NKAIN3: variants seen among roughly 807,000 people sequenced by gnomAD.
NKAIN3 encodes the protein sodium/potassium-transporting ATPase subunit beta-1-interacting protein 3.
NKAIN3 carries 25 observed loss-of-function variants against 30.2 expected under a neutral mutation model. The ratio of observed to expected loss-of-function variants is 0.83; its 90% CI spans 0.60 to 1.16. NKAIN3 has a LOEUF of 1.16. NKAIN3 is among the 50% of genes most tolerant of loss of function. The pLI is 0.00. For missense variants in NKAIN3, 225 were observed against 254.1 expected (o/e 0.89, Z 0.78); for synonymous variants, 91 against 89.6 (o/e 1.02, Z -0.09).
intron 1 of NKAIN3, among the ~76,000 whole-genome samples, chr8:62,378,998 G>A (rs1371637661): frequency 1.3e-5 from 2 of 152,168 alleles, no homozygotes; most frequent in East Asian, 1.9e-4. Context: ...GCCTGGATGG[G>A]GGCTGTACCA....
intron 1 of NKAIN3, among the ~76,000 whole-genome samples, chr8:62,331,079 G>GTC (rs1303720351): frequency 7.2e-5 from 9 of 124,832 alleles, no homozygotes; most frequent in African/African-American, 2.4e-4. Flanking sequence ...CTCTCTCTCT[G>GTC]TCTCTCTCTC....
At chr8:62,364,402 A>T (rs1816662307) in intron 1 of NKAIN3, among the ~76,000 whole-genome samples, 1 of 152,062 alleles carries the variant, frequency 6.6e-6, no homozygotes, top group South Asian at 2.1e-4. Context: ...ATCCTAAAGG[A>T]TGTAGCAAAA....
At chr8:62,379,683 C>T (rs1817206841) in intron 1 of NKAIN3, among the ~76,000 whole-genome samples, 1 of 148,082 alleles carries the variant, frequency 6.8e-6, no homozygotes, top group Admixed American at 6.8e-5. Flanking sequence ...TGTAAGTTTC[C>T]TGAGGCCTCC....
Position 62,579,524 on chromosome 8 carries a change from C to A in NKAIN3, c.55-15C>A. 6.3e-7 allele frequency: 1 copy of A among 1,591,454 alleles called. No homozygotes were observed. The highest frequency in any genetic ancestry group is 8.5e-7 in the Non-Finnish European group (1 of 1,170,722). ...CTTGGATTCAATGCTAATGAACTTT[C>A]TTTTTTTGTTGTAGGTCTCAGCATT... On this transcript the variant is annotated splice_polypyrimidine_tract_variant and intron_variant, in intron 1 of 6. Coordinates refer to ENST00000623646, the MANE Select transcript of NKAIN3 (RefSeq NM_001304533.3).
chr8:62,607,395 C>T (rs886124704), intron 3 of NKAIN3, among the ~76,000 whole-genome samples: 3 of 152,116 alleles, frequency 2.0e-5, no homozygotes, highest in Non-Finnish European at 2.9e-5. Context: ...TCATGGAAGG[C>T]TGATGCACCT....
rs1401649029 is a variant in NKAIN3 at position 62,966,893 on chromosome 8, GTTC to G, written c.*1492_*1494del. 2.0e-5 allele frequency among the ~76,000 whole-genome samples: 3 copies of G among 152,032 alleles called. No individual in the cohort carries two copies. The East Asian group carries it at 5.8e-4, about 29-fold the overall frequency. On this transcript the variant is annotated 3_prime_UTR_variant, in exon 7 of 7. Transcript: ENST00000623646. ...GTGTGTGAAAGTCTTTTTTCTTCTT[GTTC>G]TTCTTTCGGAGCCTATAGGTTTCAT...
At chr8:62,805,300 A>G (rs1818234413) in intron 4 of NKAIN3, among the ~76,000 whole-genome samples, 2 of 151,958 alleles carry the variant, frequency 1.3e-5, no homozygotes, top group African/African-American at 4.8e-5. Context: ...GGAAAAAACT[A>G]CTTTAAAGTT....
intron 1 of NKAIN3, among the ~76,000 whole-genome samples, chr8:62,467,003 C>T (rs561690005): frequency 1.3e-5 from 2 of 152,260 alleles, no homozygotes; most frequent in Admixed American, 6.5e-5. Flanking sequence ...GAATCCATGG[C>T]CTAACAATGG....
chr8:62,828,382 A>T (rs1819090292), intron 4 of NKAIN3, among the ~76,000 whole-genome samples: 1 of 152,170 alleles, frequency 6.6e-6, no homozygotes, highest in African/African-American at 2.4e-5. Context: ...TGCAAAATAC[A>T]TGCCAAAAAA....
intron 3 of NKAIN3, among the ~76,000 whole-genome samples, chr8:62,656,348 T>C (rs190829179): frequency 2.6e-5 from 4 of 152,296 alleles, no homozygotes; most frequent in East Asian, 1.9e-4. Context: ...CAGGAAACAT[T>C]AGCAAATTAA....
intron 2 of NKAIN3, among the ~76,000 whole-genome samples, chr8:62,588,479 G>A (rs1426770071): frequency 2.0e-5 from 3 of 151,718 alleles, no homozygotes; most frequent in South Asian, 4.2e-4. Flanking sequence ...AATGTAACCA[G>A]TTATAGGACT....
intron 1 of NKAIN3, among the ~76,000 whole-genome samples, chr8:62,303,681 T>C (rs1814129387): frequency 6.6e-6 from 1 of 150,584 alleles, no homozygotes; most frequent in Admixed American, 6.6e-5. Context: ...AGAGTTTTAA[T>C]TTGAAAAAAA....
chr8:62,789,395 CTT>C (rs1253144688), intron 4 of NKAIN3, among the ~76,000 whole-genome samples: 1 of 152,122 alleles, frequency 6.6e-6, no homozygotes, highest in African/African-American at 2.4e-5. Flanking sequence ...TATCCTGAAA[CTT>C]TGCTGAAGTT....
intron 1 of NKAIN3, among the ~76,000 whole-genome samples, chr8:62,294,785 T>C (rs1751018708): frequency 6.6e-6 from 1 of 152,142 alleles, no homozygotes; most frequent in Non-Finnish European, 1.5e-5. Flanking sequence ...GCTCTAGCTA[T>C]TCTCCCACCT....
chr8:62,796,789 T>TAC (rs144656283), intron 4 of NKAIN3, among the ~76,000 whole-genome samples: 13,684 of 146,102 alleles, frequency 0.094, 649 homozygotes, highest in African/African-American at 0.1. Context: ...GTATCACACA[T>TAC]ACACACACAC....
intron 4 of NKAIN3, among the ~76,000 whole-genome samples, chr8:62,749,281 A>G (rs1298344487): frequency 6.6e-6 from 1 of 152,216 alleles, no homozygotes; most frequent in Non-Finnish European, 1.5e-5. Flanking sequence ...TTTATTTGAT[A>G]AGGAGCTGGA....
chr8:62,770,097 T>C (rs1563554215), intron 4 of NKAIN3, among the ~76,000 whole-genome samples: 1 of 152,190 alleles, frequency 6.6e-6, no homozygotes, highest in South Asian at 2.1e-4. Context: ...TAGGATGTTA[T>C]TCCCATGATT....
rs115335296 is a variant in NKAIN3 at position 62,640,899 on chromosome 8, T to C, written c.273+51105T>C. On this transcript the variant is annotated intron_variant, in intron 3 of 6. Coordinates refer to ENST00000623646, the MANE Select transcript of NKAIN3 (RefSeq NM_001304533.3). ...AGCTGAAAACTAGGGCCAGTTCTAT[T>C]CAGTCATGTTTTTGTGTCCACATTC... Among the ~76,000 whole-genome samples the C allele has an allele frequency of 4.8e-3, 737 of 152,278 alleles. 7 individuals carry two copies. Among genetic ancestry groups the C allele is most frequent in the African/African-American group, 0.017 (705 of 41,570 alleles).
Position 62,298,257 on chromosome 8 carries a change from G to A in NKAIN3, c.54+49130G>A, listed in dbSNP as rs571026460. Among the ~76,000 whole-genome samples the A allele has an allele frequency of 3.2e-3, 493 of 152,092 alleles. 1 individual carries two copies. Among genetic ancestry groups the A allele is most frequent in the African/African-American group, 0.011 (454 of 41,500 alleles). ...TTAATGGGTGCAGCACACCAGCATC[G>A]CACATGTATACATATGTAACAAATC... On this transcript the variant is annotated intron_variant, in intron 1 of 6. Transcript: ENST00000623646.
Sources: gnomAD v4.1 joint callset for allele counts (sites outside exome capture counted in the v4.1 genomes callset) on GRCh38, gnomAD v4.1.1 for gene constraint, MANE v1.5 for transcripts, NCBI Gene and HGNC (gene_info 2026-07-23, HGNC 2026-07-21) for gene names.